The following UBXN2A variants were observed in gnomAD, a reference collection of about 807,000 sequenced individuals.
The protein encoded by UBXN2A is UBX domain-containing protein 2A.
A neutral mutation model predicts 28.4 loss-of-function variants in UBXN2A; 28 were observed. The ratio of observed to expected loss-of-function variants is 0.99; its 90% confidence interval spans 0.73 to 1.35. The LOEUF is 1.35. Among genes scored for constraint, UBXN2A ranks in the 40% most tolerant of loss-of-function variants. UBXN2A has a pLI of 0.00. For synonymous variants in UBXN2A, 97 were observed against 103.6 expected, an observed-to-expected ratio of 0.94 and a Z score of 0.39; for missense variants, 253 against 297.9, an observed-to-expected ratio of 0.85 and a Z score of 1.11.
At chr2:23,961,421 T>C (rs552584329) in intron 2 of UBXN2A, among the ~76,000 whole-genome samples, 1 of 152,180 alleles carries the variant, frequency 6.6e-6, no homozygotes, top group East Asian at 1.9e-4. Flanking sequence ...AAGTAAAATA[T>C]TTGGTAAAGT....
At chr2:23,931,121 C>T (rs756941753) in intron 1 of UBXN2A, among the ~76,000 whole-genome samples, 1 of 152,064 alleles carries the variant, frequency 6.6e-6, no homozygotes, top group South Asian at 2.1e-4. Flanking sequence ...CACTGCACTC[C>T]AGCCTGGGCG....
intron 1 of UBXN2A, among the ~76,000 whole-genome samples, chr2:23,948,260 T>C (rs189770865): frequency 0.011 from 1,628 of 150,422 alleles, 18 homozygotes; most frequent in Middle Eastern, 0.038. Flanking sequence ...TTTTCTTTTT[T>C]TTTTTTTTTT....
chr2:23,997,753 C>T (rs1040066596), intron 6 of UBXN2A, among the ~76,000 whole-genome samples: 3 of 148,484 alleles, frequency 2.0e-5, no homozygotes, highest in Admixed American at 1.4e-4. Flanking sequence ...GCCTCTAAAG[C>T]CTTTATATAT....
intron 1 of UBXN2A, among the ~76,000 whole-genome samples, chr2:23,934,181 A>C (rs1705457858): frequency 6.6e-6 from 1 of 152,184 alleles, no homozygotes. Context: ...ACTGCACTCC[A>C]GCCTGGGCAA....
At chr2:23,986,373 C>T (rs1328388848) in intron 6 of UBXN2A, among the ~76,000 whole-genome samples, 1 of 151,930 alleles carries the variant, frequency 6.6e-6, no homozygotes, top group East Asian at 1.9e-4. Context: ...TTAGGATTTT[C>T]ATTCTCATCA....
intron 2 of UBXN2A, among the ~76,000 whole-genome samples, chr2:23,970,679 T>C (rs1390378622): frequency 2.0e-5 from 3 of 152,032 alleles, no homozygotes; most frequent in African/African-American, 7.2e-5. Flanking sequence ...GAAATAATTA[T>C]ACATCTCACC....
At chr2:23,940,990 G>T (rs1009891378) in intron 1 of UBXN2A, among the ~76,000 whole-genome samples, 2 of 152,176 alleles carry the variant, frequency 1.3e-5, no homozygotes, top group Admixed American at 1.3e-4. Context: ...TATTTTCAAA[G>T]GCGAACGCTG....
At chr2:23,972,292 G>A (rs1301968716) in intron 3 of UBXN2A, among the ~76,000 whole-genome samples, 1 of 152,132 alleles carries the variant, frequency 6.6e-6, no homozygotes, top group Admixed American at 6.6e-5. Flanking sequence ...AATCCAACAT[G>A]TTTTCAGTGC....
intron 4 of UBXN2A, 71 bp downstream of exon 4, chr2:23,977,146 C>A: frequency 7.7e-7 from 1 of 1,292,094 alleles, no homozygotes; most frequent in Non-Finnish European, 1.1e-6. Flanking sequence ...AGAGGATTGC[C>A]TGAGCTCAGG....
At chr2:23,973,434 G>C (rs896400729) in intron 3 of UBXN2A, among the ~76,000 whole-genome samples, 1 of 151,150 alleles carries the variant, frequency 6.6e-6, no homozygotes, top group Admixed American at 6.6e-5. Context: ...CGCCTCCCAG[G>C]TTCATGCCAT....
chr2:23,994,167 G>A (rs531253632), intron 6 of UBXN2A, among the ~76,000 whole-genome samples: 4 of 152,268 alleles, frequency 2.6e-5, no homozygotes, highest in East Asian at 1.9e-4. Flanking sequence ...AAAATCAGCT[G>A]TCAGCCTTTT....
At chr2:23,949,971 A>G (rs1327947095) in intron 1 of UBXN2A, among the ~76,000 whole-genome samples, 1 of 151,904 alleles carries the variant, frequency 6.6e-6, no homozygotes, top group Admixed American at 6.6e-5. Flanking sequence ...CTTTTAATGT[A>G]TCCATCACTG....
chr2:23,930,214 C>T (rs1400871892), intron 1 of UBXN2A, among the ~76,000 whole-genome samples: 1 of 152,098 alleles, frequency 6.6e-6, no homozygotes, highest in East Asian at 1.9e-4. Flanking sequence ...TTAAATCCAA[C>T]TGAGCTTGAG....
chr2:23,956,175 A>AT (rs1386246556), intron 1 of UBXN2A, among the ~76,000 whole-genome samples: 4 of 115,500 alleles, frequency 3.5e-5, no homozygotes, highest in Admixed American at 1.1e-4. Flanking sequence ...CATCTTTTTT[A>AT]TTAAAAAAAA....
chr2:23,958,440 G>A (rs1291304053), intron 2 of UBXN2A, 85 bp downstream of exon 2: 1 of 1,322,316 alleles, frequency 7.6e-7, no homozygotes. Flanking sequence ...TGCAGAGATA[G>A]TAGAGTACGT....
chr2:23,950,133 G>A (rs78275916), intron 1 of UBXN2A, among the ~76,000 whole-genome samples: 5,815 of 151,644 alleles, frequency 0.038, 107 homozygotes, highest in Admixed American at 0.046. Context: ...GGTAAAGAGA[G>A]TGAAAAGAAA....
chr2:23,952,288 C>T (rs979866364), intron 1 of UBXN2A, among the ~76,000 whole-genome samples: 4 of 151,674 alleles, frequency 2.6e-5, no homozygotes, highest in South Asian at 2.1e-4. Context: ...TTTTTTAAGA[C>T]GGTCTCCCTC....
chr2:23,995,514 A>AC (rs1225120028), intron 6 of UBXN2A, among the ~76,000 whole-genome samples: 2 of 151,580 alleles, frequency 1.3e-5, no homozygotes, highest in Non-Finnish European at 2.9e-5. Flanking sequence ...ACATGGTGAA[A>AC]CCCCGGATCT....
intron 1 of UBXN2A, among the ~76,000 whole-genome samples, chr2:23,953,386 C>A (rs1706465862): frequency 6.6e-6 from 1 of 152,124 alleles, no homozygotes; most frequent in African/African-American, 2.4e-5. Context: ...TCCATCCACT[C>A]CCCAATCCAC....
Sources: gnomAD v4.1 joint callset for allele counts (sites outside exome capture counted in the v4.1 genomes callset) on GRCh38, gnomAD v4.1.1 for gene constraint, MANE v1.5 for transcripts, NCBI Gene and HGNC (gene_info 2026-07-23, HGNC 2026-07-21) for gene names.